Variants in SIL1 observed in about 807,000 individuals in gnomAD.
The protein encoded by SIL1 is SIL1 nucleotide exchange factor, also known as nucleotide exchange factor SIL1.
SIL1 carries 40 observed loss-of-function variants against 49.1 expected under a neutral mutation model. The observed-to-expected ratio is 0.81, with a 90% CI of 0.63 to 1.06. The LOEUF (loss-of-function observed/expected upper bound fraction) is 1.06, where lower values mean the gene tolerates loss of function less well. Among genes scored for constraint, SIL1 ranks in the 50% least tolerant of loss-of-function variants. The pLI, the probability that SIL1 is intolerant of heterozygous loss-of-function variation, is 0.00. For missense variants in SIL1, 500 were observed against 572.6 expected, an observed-to-expected ratio of 0.87 and a Z score of 1.29; for synonymous variants, 253 against 250.8, an observed-to-expected ratio of 1.01 and a Z score of -0.08.
At chr5:139,027,015 G>A (rs375122811) in intron 5 of SIL1, 23 bp from the exon 6 acceptor site, 9 of 1,613,198 alleles carry the variant, frequency 5.6e-6, no homozygotes, top group South Asian at 5.5e-5. Flanking sequence ...GCAAAGAGGT[G>A]ATTAAATTGG....
chr5:139,069,394 T>G (rs1264755113), intron 3 of SIL1, among the ~76,000 whole-genome samples: 2 of 151,228 alleles, frequency 1.3e-5, no homozygotes, highest in Non-Finnish European at 2.9e-5. Context: ...AAATAGAACA[T>G]GAAAAGGAGG....
intron 5 of SIL1, chr5:139,035,402 G>C: frequency 5.6e-6 from 3 of 538,784 alleles, no homozygotes; most frequent in Non-Finnish European, 7.3e-6. Flanking sequence ...GGGCTTTGAC[G>C]ATCAGGGCAG....
At chr5:138,976,002 G>A (rs976303623) in intron 7 of SIL1, among the ~76,000 whole-genome samples, 5 of 152,268 alleles carry the variant, frequency 3.3e-5, no homozygotes, top group African/African-American at 1.2e-4. Flanking sequence ...AGGGAAAAGA[G>A]CTGCTTCACA....
intron 1 of SIL1, among the ~76,000 whole-genome samples, chr5:139,187,194 GGCTCACTGAA>G (rs1163339318): frequency 6.6e-6 from 1 of 152,170 alleles, no homozygotes; most frequent in Non-Finnish European, 1.5e-5. Flanking sequence ...CATCAGGTAA[GGCTCACTGAA>G]GGCGGCAGCT....
At chr5:139,162,280 C>T (rs573830223) in intron 1 of SIL1, among the ~76,000 whole-genome samples, 29 of 152,276 alleles carry the variant, frequency 1.9e-4, no homozygotes, top group African/African-American at 7.0e-4. Flanking sequence ...GTCTAATGAC[C>T]TTATCTAAGA....
Position 139,021,234 on chromosome 5 carries a change from A to G in SIL1, c.704T>C (p.Leu235Pro). 1.9e-6 allele frequency: 3 copies of G among 1,614,156 alleles called. No individual in the cohort carries two copies. The highest frequency in any genetic ancestry group is 2.5e-6 in the Non-Finnish European group (3 of 1,180,034). ...FGGLQVVING[L>P]NSTEPLVKEY... ...CTTCACGAGGGGCTCTGTGCTGTTC[A>G]GCCCATTGATCACCACTTGAAGACC... The change falls in exon 7 of 10, where the codon CTG (leucine) becomes CCG (proline). Residue 235 changes from leucine to proline, a missense_variant. By Grantham distance (98) the Leu-to-Pro change is moderately conservative (BLOSUM62 -3). Coordinates refer to ENST00000394817, the MANE Select transcript of SIL1 (RefSeq NM_022464.5).
chr5:139,023,526 C>T (rs774938109), intron 6 of SIL1, among the ~76,000 whole-genome samples: 7 of 152,198 alleles, frequency 4.6e-5, no homozygotes, highest in South Asian at 2.1e-4. Flanking sequence ...ATGGGGCGGA[C>T]GGAGGCCGCT....
chr5:139,150,459 T>C (rs1751274524), intron 1 of SIL1, among the ~76,000 whole-genome samples: 1 of 152,080 alleles, frequency 6.6e-6, no homozygotes, highest in Admixed American at 6.6e-5. Context: ...ACTAAATATG[T>C]CCCTCCCCCT....
chr5:139,082,500 T>C (rs6879524), intron 3 of SIL1, among the ~76,000 whole-genome samples: 3,777 of 152,258 alleles, frequency 0.025, 149 homozygotes, highest in African/African-American at 0.085. Flanking sequence ...AAGACCAGAA[T>C]CTATGTTCCA....
At chr5:139,107,083 T>C (rs1009617224) in intron 3 of SIL1, among the ~76,000 whole-genome samples, 9 of 152,200 alleles carry the variant, frequency 5.9e-5, no homozygotes, top group Non-Finnish European at 2.9e-5. Flanking sequence ...CCTCCCCAGT[T>C]GCTGTATGGC....
At chr5:139,160,671 A>C (rs1751494623) in intron 1 of SIL1, among the ~76,000 whole-genome samples, 1 of 151,976 alleles carries the variant, frequency 6.6e-6, no homozygotes, top group African/African-American at 2.4e-5. Context: ...CCCGTCTCAA[A>C]ATGCAAAAAT....
chr5:139,192,624 AG>A (rs1351079137), intron 1 of SIL1, among the ~76,000 whole-genome samples: 1 of 152,228 alleles, frequency 6.6e-6, no homozygotes, highest in African/African-American at 2.4e-5. Context: ...TGAAGATGGA[AG>A]GTCCAAGAGG....
intron 7 of SIL1, among the ~76,000 whole-genome samples, chr5:138,986,409 CT>C (rs1369484945): frequency 2.6e-5 from 4 of 152,228 alleles, no homozygotes; most frequent in Non-Finnish European, 5.9e-5. Context: ...TAGGACGCAA[CT>C]TGCACAAATA....
chr5:138,996,726 G>A (rs1271798777), intron 7 of SIL1, among the ~76,000 whole-genome samples: 1 of 151,664 alleles, frequency 6.6e-6, no homozygotes, highest in Non-Finnish European at 1.5e-5. Flanking sequence ...CACCATGTTG[G>A]CCAGGATGGT....
chr5:139,142,349 A>T (rs1027154181), intron 1 of SIL1, among the ~76,000 whole-genome samples: 1 of 152,252 alleles, frequency 6.6e-6, no homozygotes. Context: ...AGAAGACTCC[A>T]GACCAATATC....
Position 138,948,167 on chromosome 5 carries a change from A to G in SIL1, c.1030-694T>C, listed in dbSNP as rs141099020. On this transcript the variant is annotated intron_variant, in intron 9 of 9. Transcript: ENST00000394817. The surrounding 1 kb of genome is among the most constrained non-coding windows in gnomAD (Gnocchi z 4.8). ...AAGCACAGGGAAGATGCACAAGGCA[A>G]GAGGGAAGCCCAGGAGAAGAGGAGG... is the stretch of plus-strand genomic sequence containing the variant. 8.9e-3 allele frequency among the ~76,000 whole-genome samples: 1,349 copies of G among 152,292 alleles called. 22 individuals carry two copies. Among genetic ancestry groups the G allele is most frequent in the African/African-American group, 0.031 (1,303 of 41,558 alleles).
intron 7 of SIL1, among the ~76,000 whole-genome samples, chr5:138,954,152 C>G (rs1026539412): frequency 6.6e-6 from 1 of 152,264 alleles, no homozygotes; most frequent in Non-Finnish European, 1.5e-5. Flanking sequence ...CTCTGTCCCC[C>G]TCAGGCAGGC....
At position 139,099,861 on chromosome 5, in the gene SIL1, T is replaced by C. The variant is rs577063869; in HGVS notation, c.244+21174A>G. On this transcript the variant is annotated intron_variant, in intron 3 of 9. Coordinates refer to ENST00000394817, the MANE Select transcript of SIL1 (RefSeq NM_022464.5). ...ATAGAAAGAATAAGTAAGACCTACT[T>C]TTGATAGCACAACACGGTGACTGTA... Among the ~76,000 whole-genome samples, 22 of 152,262 alleles carry C rather than the reference T, an allele frequency of 1.4e-4. 1 individual carries two copies. In the South Asian group the frequency reaches 4.6e-3, roughly 32 times the overall value.
At chr5:139,051,252 G>A (rs1056128048) in intron 3 of SIL1, 7 of 601,336 alleles carry the variant, frequency 1.2e-5, no homozygotes, top group African/African-American at 9.2e-5. Flanking sequence ...AAATCTGTAA[G>A]GGAATGACGT....
Sources: allele counts gnomAD v4.1 joint callset (sites outside exome capture counted in the v4.1 genomes callset), GRCh38; gene constraint gnomAD v4.1.1; non-coding constraint Gnocchi (gnomAD v3.1); transcripts MANE v1.5; gene names NCBI Gene and HGNC (gene_info 2026-07-23, HGNC 2026-07-21).